The following FAT3 variants were observed in gnomAD, a reference collection of about 807,000 sequenced individuals.
FAT3 encodes the protein protocadherin Fat 3.
A neutral mutation model predicts 310.2 loss-of-function variants in FAT3; 95 were observed. That is an observed-to-expected ratio of 0.31 (90% CI 0.26 to 0.36). FAT3 has a LOEUF of 0.36. FAT3 is among the 10% of genes least tolerant of loss of function. The pLI, the probability that FAT3 is intolerant of heterozygous loss-of-function variation, is 1.00. For synonymous variants in FAT3, 2,314 were observed against 2,192.9 expected, an observed-to-expected ratio of 1.06 and a Z score of -1.54; for missense variants, 5,408 against 5,715.6, an observed-to-expected ratio of 0.95 and a Z score of 1.74.
rs145241961 is a variant in FAT3 at position 92,421,856 on chromosome 11, C to T, written c.3292+66452C>T. On this transcript the variant is annotated intron_variant, in intron 2 of 27. Coordinates refer to ENST00000525166, the MANE Select transcript of FAT3 (RefSeq NM_001367949.2). ...AGGAACAGGCAGCGAGCTGAGCCCT[C>T]ATAGCTCCTCCTGATGCTCAGCTGC... is the stretch of plus-strand genomic sequence containing the variant. 6.0e-3 allele frequency among the ~76,000 whole-genome samples: 914 copies of T among 152,314 alleles called. 3 individuals are homozygous for T. The highest frequency in any genetic ancestry group is 1.0e-2 in the Non-Finnish European group (677 of 68,024).
chr11:92,827,348 T>A (rs1222060628), intron 13 of FAT3, among the ~76,000 whole-genome samples: 2 of 152,166 alleles, frequency 1.3e-5, no homozygotes, highest in Non-Finnish European at 2.9e-5. Context: ...GCAGGGAGCA[T>A]CCACTGGAAA....
rs1257929094 is a variant in FAT3 at position 92,619,760 on chromosome 11, C to G, written c.3608-77624C>G. Among the ~76,000 whole-genome samples the G allele has an allele frequency of 1.3e-4, 19 of 151,768 alleles. 1 individual carries two copies. The highest frequency in any genetic ancestry group is 1.2e-3 in the Admixed American group (19 of 15,234). On this transcript the variant is annotated intron_variant, in intron 3 of 27. Transcript: ENST00000525166. ...AGTCCCCTCTCTTCTTTTTCTTGAT[C>G]ACTCTAGCTCAATTTTGTCAAATTT...
Position 92,353,186 on chromosome 11 carries a change from A to G in FAT3, c.1074A>G (p.Ala358=). The G allele has an allele frequency of 6.2e-7, 1 of 1,613,770 alleles. No homozygotes were observed. Among genetic ancestry groups the G allele is most frequent in the Non-Finnish European group, 8.5e-7 (1 of 1,179,866 alleles). ...KDKGSPQKCS[A]LKAVYIGNPT... ...AGGGATCTCCTCAAAAATGTTCAGC[A>G]TTAAAGGCAGTCTACATTGGCAACC... The change falls in exon 2 of 28, where the codon GCA becomes GCG. Residue 358 remains alanine, a synonymous_variant. Transcript: ENST00000525166.
At chr11:92,314,173 C>G (rs12575911) in intron 1 of FAT3, 48,615 of 353,102 alleles carry the variant, frequency 0.14, 3,340 homozygotes, top group South Asian at 0.18. Flanking sequence ...GTGAAGACTA[C>G]AAAAGATGAT....
In FAT3 at chr11:92,262,984, TTC is replaced by T. The variant is rs1322728269; in HGVS notation, c.-18+37816_-18+37817del. ...GTTCCCTCATAATAATCTTTCAGTT[TTC>T]TCTCTTTTTTTTTTTATTCCTCATT... On this transcript the variant is annotated intron_variant, in intron 1 of 27. Transcript: ENST00000525166. 2.0e-5 allele frequency among the ~76,000 whole-genome samples: 3 copies of T among 152,164 alleles called. No homozygotes were observed. The South Asian group carries it at 6.2e-4, about 32-fold the overall frequency.
intron 4 of FAT3, among the ~76,000 whole-genome samples, chr11:92,750,051 T>C (rs1395907610): frequency 6.6e-6 from 1 of 152,196 alleles, no homozygotes; most frequent in Non-Finnish European, 1.5e-5. Flanking sequence ...TCACATTCGT[T>C]CACCTGAGAG....
intron 3 of FAT3, among the ~76,000 whole-genome samples, chr11:92,616,330 G>A (rs988106276): frequency 6.6e-6 from 1 of 151,626 alleles, no homozygotes; most frequent in Non-Finnish European, 1.5e-5. Context: ...CCATTTGCTT[G>A]GTACATCTTC....
chr11:92,433,075 G>A (rs765761103), intron 2 of FAT3, among the ~76,000 whole-genome samples: 20 of 152,114 alleles, frequency 1.3e-4, no homozygotes, highest in Non-Finnish European at 2.8e-4. Context: ...AATGATGGAT[G>A]CCCCTCCCTC....
rs1003483756 is a variant in FAT3, at chr11:92,706,582, G to A, written c.3669+9137G>A. Among the ~76,000 whole-genome samples the A allele has an allele frequency of 5.3e-5, 8 of 152,116 alleles. No individual in the cohort carries two copies. In the East Asian group the frequency reaches 1.2e-3, roughly 22 times the overall value. ...TCCACATCTCTCTATATTACATGTTGACAACTCCATCATTTTTTTTAAAAC... is the reference window on the plus strand; with the variant it reads ...TCCACATCTCTCTATATTACATGTTAACAACTCCATCATTTTTTTTAAAAC... On this transcript the variant is annotated intron_variant, in intron 4 of 27. Transcript: ENST00000525166.
At chr11:92,385,357 CAG>C (rs746182741) in intron 2 of FAT3, among the ~76,000 whole-genome samples, 4 of 152,068 alleles carry the variant, frequency 2.6e-5, no homozygotes, top group South Asian at 2.1e-4. Flanking sequence ...ATTTTTGAGA[CAG>C]AGTCTTATTT....
chr11:92,528,543 C>G (rs1432247866), intron 3 of FAT3, among the ~76,000 whole-genome samples: 4 of 152,190 alleles, frequency 2.6e-5, no homozygotes, highest in Non-Finnish European at 5.9e-5. Context: ...CCTGCCACCA[C>G]ACCCGGCTAA....
chr11:92,808,673 C>T (rs371167544), intron 12 of FAT3, among the ~76,000 whole-genome samples: 1 of 152,234 alleles, frequency 6.6e-6, no homozygotes, highest in East Asian at 1.9e-4. Flanking sequence ...CATCTGTAAT[C>T]CCCGCACTTT....
chr11:92,271,733 A>G (rs1041972881), intron 1 of FAT3, among the ~76,000 whole-genome samples: 3 of 152,160 alleles, frequency 2.0e-5, no homozygotes, highest in Non-Finnish European at 4.4e-5. Flanking sequence ...GAGAGAGGTA[A>G]CAATTTGCTT....
chr11:92,774,205 C>T (rs1052843903), intron 7 of FAT3, 25 bp downstream of exon 7: 2 of 1,581,126 alleles, frequency 1.3e-6, no homozygotes, highest in South Asian at 1.2e-5. Flanking sequence ...TACTGAATAG[C>T]AGGAATGCTG....
At chr11:92,462,001 A>G (rs901014025) in intron 2 of FAT3, among the ~76,000 whole-genome samples, 1 of 152,178 alleles carries the variant, frequency 6.6e-6, no homozygotes, top group Non-Finnish European at 1.5e-5. Context: ...CGCAGTATCC[A>G]TTGGGAGTCT....
chr11:92,502,030 G>A (rs1952956041), intron 2 of FAT3, among the ~76,000 whole-genome samples: 1 of 151,990 alleles, frequency 6.6e-6, no homozygotes, highest in Admixed American at 6.6e-5. Flanking sequence ...ATAGTTTAAT[G>A]TAATCACATG....
chr11:92,699,551 C>T (rs556243625), intron 4 of FAT3, among the ~76,000 whole-genome samples: 198 of 152,164 alleles, frequency 1.3e-3, no homozygotes, highest in Non-Finnish European at 2.2e-3. Flanking sequence ...GGAATATTTT[C>T]GGTATTCTTA....
At chr11:92,576,301 A>G (rs915220481) in intron 3 of FAT3, among the ~76,000 whole-genome samples, 3 of 152,132 alleles carry the variant, frequency 2.0e-5, no homozygotes, top group Admixed American at 1.3e-4. Flanking sequence ...TTAATTACTT[A>G]TTGGTCTCAA....
intron 2 of FAT3, among the ~76,000 whole-genome samples, chr11:92,462,603 C>T (rs372877773): frequency 1.2e-4 from 18 of 152,088 alleles, no homozygotes; most frequent in African/African-American, 4.3e-4. Flanking sequence ...TAGAGAACTT[C>T]TTCCAAAGCA....
Sources: gnomAD v4.1 joint callset for allele counts (sites outside exome capture counted in the v4.1 genomes callset) on GRCh38, gnomAD v4.1.1 for gene constraint, MANE v1.5 for transcripts, NCBI Gene and HGNC (gene_info 2026-07-23, HGNC 2026-07-21) for gene names.